CYP19A1: variants seen among roughly 807,000 people sequenced by gnomAD.
CYP19A1 encodes aromatase.
A neutral mutation model predicts 44.4 loss-of-function variants in CYP19A1; 32 were observed. That is an observed-to-expected ratio of 0.72 (90% CI 0.54 to 0.97). The LOEUF (loss-of-function observed/expected upper bound fraction) is 0.97. Ranked by LOEUF, CYP19A1 falls within the 50% of genes least tolerant of loss-of-function variation. CYP19A1 has a pLI of 0.00. For synonymous variants in CYP19A1, 212 were observed against 215.6 expected (o/e 0.98, Z 0.14); for missense variants, 598 against 637.8 (o/e 0.94, Z 0.67).
chr15:51,267,049 C>T (rs1025223753), intron 1 of CYP19A1, among the ~76,000 whole-genome samples: 10 of 152,228 alleles, frequency 6.6e-5, no homozygotes, highest in African/African-American at 2.4e-5. Context: ...ACTTTCCCTG[C>T]TTCTACCCAG....
intron 1 of CYP19A1, among the ~76,000 whole-genome samples, chr15:51,265,894 C>A (rs960370093): frequency 6.6e-6 from 1 of 152,188 alleles, no homozygotes; most frequent in African/African-American, 2.4e-5. Context: ...GTTTGAGCTT[C>A]ATTCGGATCC....
At position 51,304,608 on chromosome 15, in the gene CYP19A1, CTTTG is replaced by C. The variant is rs1441732742; in HGVS notation, c.-39+33883_-39+33886del. The stretch of plus-strand genomic sequence containing the variant: ...TTCCAAATATTAATTCCATAGCTAA[CTTTG>C]TTTGTTTCAATGAAAGAAAAGTAGG... On this transcript the variant is annotated intron_variant, in intron 1 of 9. Coordinates refer to ENST00000396402, the MANE Select transcript of CYP19A1 (RefSeq NM_000103.4). 9.9e-5 allele frequency among the ~76,000 whole-genome samples: 15 copies of C among 152,248 alleles called. No individual in the cohort carries two copies. In the South Asian group the frequency reaches 1.2e-3, roughly 13 times the overall value.
rs146576206 is a variant in CYP19A1 at position 51,315,226 on chromosome 15, C to T, written c.-39+23269G>A. 2.0e-5 allele frequency among the ~76,000 whole-genome samples: 3 copies of T among 152,312 alleles called. No homozygotes were observed. The East Asian group carries it at 5.8e-4, about 29-fold the overall frequency. On this transcript the variant is annotated intron_variant, in intron 1 of 9. Transcript: ENST00000396402. ...ACCTTCACCACCACCGTCACCCAGG[C>T]CTGCTGCAGTCCGGTCAGAAGGTTA... is the stretch of plus-strand genomic sequence containing the variant.
chr15:51,210,153 G>T lies in CYP19A1; in HGVS notation c.*655C>A. ...ACACAATGAATTGTAGCACAGGCAA[G>T]TGGCTGAGGCATAAATCGACAGACT... is the stretch of plus-strand genomic sequence containing the variant. On this transcript the variant is annotated 3_prime_UTR_variant, in exon 10 of 10. Transcript: ENST00000396402. The T allele has an allele frequency of 2.8e-6, 1 of 353,388 alleles. No individual in the cohort carries two copies. The highest frequency in any genetic ancestry group is 5.5e-6 in the Non-Finnish European group (1 of 180,360). 21.9% of individuals were successfully genotyped at this position (353,388 alleles called of 1,614,324 possible).
intron 1 of CYP19A1, among the ~76,000 whole-genome samples, chr15:51,244,920 T>TA (rs1266477184): frequency 6.6e-6 from 1 of 152,232 alleles, no homozygotes; most frequent in African/African-American, 2.4e-5. Context: ...CAAGCACTTT[T>TA]AAAAAACCTG....
intron 1 of CYP19A1, among the ~76,000 whole-genome samples, chr15:51,298,349 T>A (rs1301417160): frequency 6.6e-6 from 1 of 152,208 alleles, no homozygotes. Context: ...AATAATTTAG[T>A]TTTATGGAGC....
intron 1 of CYP19A1, among the ~76,000 whole-genome samples, chr15:51,308,345 A>T (rs941275192): frequency 3.3e-5 from 5 of 152,248 alleles, no homozygotes; most frequent in Non-Finnish European, 7.3e-5. Context: ...CCTCCTGGTC[A>T]GAGGAAAATG....
chr15:51,281,516 C>T (rs528522575), intron 1 of CYP19A1, among the ~76,000 whole-genome samples: 5 of 152,238 alleles, frequency 3.3e-5, no homozygotes, highest in East Asian at 3.9e-4. Context: ...ACATACAGCC[C>T]GGCAGCTCCT....
chr15:51,316,983 G>T (rs1166347297), intron 1 of CYP19A1, among the ~76,000 whole-genome samples: 1 of 152,180 alleles, frequency 6.6e-6, no homozygotes, highest in African/African-American at 2.4e-5. Flanking sequence ...ATGAGGTAGG[G>T]TGCCAAGAGT....
chr15:51,265,435 CA>C, intron 1 of CYP19A1, among the ~76,000 whole-genome samples: 1 of 152,082 alleles, frequency 6.6e-6, no homozygotes, highest in Non-Finnish European at 1.5e-5. Context: ...TTGGCTTGAA[CA>C]AAAGGGATGG....
intron 2 of CYP19A1, among the ~76,000 whole-genome samples, chr15:51,241,080 T>C (rs2033734047): frequency 6.6e-6 from 1 of 152,234 alleles, no homozygotes; most frequent in Non-Finnish European, 1.5e-5. Context: ...AGAATCACTG[T>C]GCTACTTGAT....
chr15:51,260,933 T>C (rs760276735), intron 1 of CYP19A1, among the ~76,000 whole-genome samples: 54 of 152,130 alleles, frequency 3.5e-4, no homozygotes, highest in Non-Finnish European at 5.9e-4. Flanking sequence ...TTCTGGTCCG[T>C]GTTTGTTCTG....
Position 51,285,457 on chromosome 15 carries a change from C to T in CYP19A1, c.-38-42507G>A, listed in dbSNP as rs151027213. On this transcript the variant is annotated intron_variant, in intron 1 of 9. Transcript: ENST00000396402. ...ATGCTAGTAATAATGATAGCTGTGG[C>T]GGTTTTACAAAAAAGAGAAGGGGAA... Among the ~76,000 whole-genome samples the T allele has an allele frequency of 6.2e-3, 948 of 152,128 alleles. 8 individuals carry two copies. Among genetic ancestry groups the T allele is most frequent in the African/African-American group, 0.022 (919 of 41,490 alleles).
At chr15:51,219,054 G>A (rs1441664213) in intron 5 of CYP19A1, among the ~76,000 whole-genome samples, 2 of 152,192 alleles carry the variant, frequency 1.3e-5, no homozygotes, top group Non-Finnish European at 2.9e-5. Flanking sequence ...AGCAGAGCCT[G>A]TTAGGTGGCT....
chr15:51,252,416 C>T (rs1010590252), intron 1 of CYP19A1, among the ~76,000 whole-genome samples: 3 of 152,202 alleles, frequency 2.0e-5, no homozygotes, highest in African/African-American at 7.2e-5. Context: ...ATTAAAACCA[C>T]CTTCACTGAC....
chr15:51,247,398 C>T (rs986230277), intron 1 of CYP19A1, among the ~76,000 whole-genome samples: 5 of 152,318 alleles, frequency 3.3e-5, no homozygotes, highest in East Asian at 1.9e-4. Flanking sequence ...TCCATAGTTA[C>T]GTCTAAAACC....
At chr15:51,299,546 G>A (rs1380982705) in intron 1 of CYP19A1, among the ~76,000 whole-genome samples, 1 of 152,226 alleles carries the variant, frequency 6.6e-6, no homozygotes, top group Admixed American at 6.5e-5. Flanking sequence ...GATCAGGGCT[G>A]CTTTGCCACA....
chr15:51,245,958 T>A (rs996693594), intron 1 of CYP19A1, among the ~76,000 whole-genome samples: 1 of 152,228 alleles, frequency 6.6e-6, no homozygotes, highest in Non-Finnish European at 1.5e-5. Context: ...TTTTGCTCCC[T>A]ATTATGGGAT....
chr15:51,287,313 G>A (rs2035727708), intron 1 of CYP19A1, among the ~76,000 whole-genome samples: 3 of 152,174 alleles, frequency 2.0e-5, no homozygotes, highest in Non-Finnish European at 4.4e-5. Context: ...AAACATTGCT[G>A]CGGGGTTCAC....
Sources: allele counts gnomAD v4.1 joint callset (sites outside exome capture counted in the v4.1 genomes callset), GRCh38; gene constraint gnomAD v4.1.1; transcripts MANE v1.5; gene names NCBI Gene and HGNC (gene_info 2026-07-23, HGNC 2026-07-21).